Variants in RARB observed in about 807,000 individuals in gnomAD.
The protein encoded by RARB is HBV-activated protein.
Under a neutral mutation model 51.9 loss-of-function variants are expected in RARB, and 17 were observed. The ratio of observed to expected loss-of-function variants is 0.33; its 90% CI spans 0.22 to 0.49. The LOEUF (loss-of-function observed/expected upper bound fraction) is 0.49, where lower values mean the gene tolerates loss of function less well. Among genes scored for constraint, RARB ranks in the 20% least tolerant of loss-of-function variants. RARB has a pLI of 0.99. For synonymous variants in RARB, 215 were observed against 195.4 expected (o/e 1.10, Z -0.84); for missense variants, 369 against 550.8 (o/e 0.67, Z 3.30).
chr3:25,115,184 A>G (rs2125326844), intron 3 of RARB, among the ~76,000 whole-genome samples: 1 of 152,316 alleles, frequency 6.6e-6, no homozygotes, highest in Non-Finnish European at 1.5e-5. Flanking sequence ...TTAGCTAGCC[A>G]TGTTTTACTA....
At chr3:25,032,899 G>T (rs888153846) in intron 2 of RARB, among the ~76,000 whole-genome samples, 1 of 152,114 alleles carries the variant, frequency 6.6e-6, no homozygotes, top group Admixed American at 6.6e-5. Flanking sequence ...TTGTCATTTC[G>T]TGGGACAATA....
intron 4 of RARB, among the ~76,000 whole-genome samples, chr3:25,162,803 A>G (rs1368901765): frequency 1.3e-5 from 2 of 152,200 alleles, no homozygotes; most frequent in Non-Finnish European, 2.9e-5. Flanking sequence ...TAGATGGACC[A>G]CTTTTGTTTA....
At chr3:25,144,360 G>A (rs1208525361) in intron 4 of RARB, among the ~76,000 whole-genome samples, 2 of 152,022 alleles carry the variant, frequency 1.3e-5, no homozygotes, top group East Asian at 3.9e-4. Flanking sequence ...CTAAAATTCT[G>A]AACAACAAAA....
At chr3:25,422,625 A>G (rs1384935932) in intron 5 of RARB, among the ~76,000 whole-genome samples, 5 of 152,114 alleles carry the variant, frequency 3.3e-5, no homozygotes, top group African/African-American at 1.2e-4. Context: ...AAGGAAATGA[A>G]GACAATAAGG....
intron 3 of RARB, among the ~76,000 whole-genome samples, chr3:25,063,696 T>C (rs1365661449): frequency 1.3e-5 from 2 of 151,648 alleles, no homozygotes; most frequent in East Asian, 1.9e-4. Context: ...CCGTAGACCT[T>C]GTAGTTTGAG....
At chr3:25,506,888 G>A (rs893538220) in intron 3 of RARB, among the ~76,000 whole-genome samples, 1 of 152,182 alleles carries the variant, frequency 6.6e-6, no homozygotes, top group African/African-American at 2.4e-5. Flanking sequence ...CCAGCTTCCA[G>A]CCACACTACA....
At chr3:25,493,687 ACT>A (rs1280834775) in intron 2 of RARB, among the ~76,000 whole-genome samples, 1 of 152,142 alleles carries the variant, frequency 6.6e-6, no homozygotes, top group Non-Finnish European at 1.5e-5. Context: ...ATAGAAATTA[ACT>A]CTGCAACAGC....
At chr3:25,468,844 C>G (rs1559418885) in intron 2 of RARB, among the ~76,000 whole-genome samples, 1 of 152,182 alleles carries the variant, frequency 6.6e-6, no homozygotes, top group Non-Finnish European at 1.5e-5. Context: ...TGTCCTTGCT[C>G]TCTACATTTT....
At chr3:25,500,454 G>GTTTTTTTTTTGTTT (rs1697244585) in intron 2 of RARB, among the ~76,000 whole-genome samples, 1 of 66,144 alleles carries the variant, frequency 1.5e-5, no homozygotes, top group Admixed American at 2.0e-4. Flanking sequence ...TTCTTTTCTT[G>GTTTTTTTTTTGTTT]TTTTTTTTTT....
At chr3:24,923,692 C>A (rs748125851) in intron 2 of RARB, among the ~76,000 whole-genome samples, 8 of 152,142 alleles carry the variant, frequency 5.3e-5, no homozygotes, top group Non-Finnish European at 8.8e-5. Flanking sequence ...ATCCTGAAGA[C>A]AGCTAGCTGA....
Position 25,028,155 on chromosome 3 carries a change from C to T in RARB, c.-379-31970C>T, listed in dbSNP as rs185023919. Among the ~76,000 whole-genome samples, 573 of 152,284 alleles carry T rather than the reference C, an allele frequency of 3.8e-3. 2 individuals carry two copies. Among genetic ancestry groups the T allele is most frequent in the Admixed American group, 6.3e-3 (97 of 15,294 alleles). Reference sequence around the variant, plus strand: ...GCCCTGGTGCTTTTCAAGGAGTGTTCCCTAGACCAGCAATGTCTCCTGGAA... The same window carrying T: ...GCCCTGGTGCTTTTCAAGGAGTGTTTCCTAGACCAGCAATGTCTCCTGGAA... On this transcript the variant is annotated intron_variant, in intron 2 of 11. Coordinates refer to the RARB transcript ENST00000383772.
intron 2 of RARB, among the ~76,000 whole-genome samples, chr3:25,500,832 C>A (rs530847975): frequency 6.6e-6 from 1 of 152,042 alleles, no homozygotes; most frequent in African/African-American, 2.4e-5. Flanking sequence ...CTTGGTAGTG[C>A]GCTCATCTGA....
chr3:25,319,236 T>C (rs1704500752), intron 5 of RARB, among the ~76,000 whole-genome samples: 1 of 152,192 alleles, frequency 6.6e-6, no homozygotes, highest in East Asian at 1.9e-4. Flanking sequence ...CTTATCCTGG[T>C]GATTCTGAGA....
At chr3:24,949,241 C>T (rs1246413545) in intron 2 of RARB, among the ~76,000 whole-genome samples, 1 of 152,200 alleles carries the variant, frequency 6.6e-6, no homozygotes, top group Non-Finnish European at 1.5e-5. Context: ...GATTCTCTTT[C>T]AGCTGTGTTG....
At chr3:25,573,948 C>T (rs1700815668) in intron 4 of RARB, among the ~76,000 whole-genome samples, 1 of 152,194 alleles carries the variant, frequency 6.6e-6, no homozygotes, top group South Asian at 2.1e-4. Flanking sequence ...CCACCACCCC[C>T]ACCTCAGGCC....
At chr3:25,158,779 C>T (rs1315380865) in intron 4 of RARB, among the ~76,000 whole-genome samples, 3 of 152,210 alleles carry the variant, frequency 2.0e-5, no homozygotes, top group South Asian at 2.1e-4. Context: ...AGTGCAGGCA[C>T]GTAGGAAGGC....
At chr3:24,839,685 C>T (rs531075293) in intron 1 of RARB, among the ~76,000 whole-genome samples, 70 of 109,920 alleles carry the variant, frequency 6.4e-4, no homozygotes, top group Non-Finnish European at 6.1e-4. Flanking sequence ...GCCTAGGCTA[C>T]GGACCAAGAC....
chr3:25,359,217 A>G (rs1705846748), intron 5 of RARB, among the ~76,000 whole-genome samples: 1 of 151,986 alleles, frequency 6.6e-6, no homozygotes, highest in African/African-American at 2.4e-5. Flanking sequence ...TGGAGGGTGT[A>G]TGTGTCTAAG....
At chr3:25,295,982 C>G (rs139593804) in intron 5 of RARB, among the ~76,000 whole-genome samples, 2,059 of 152,250 alleles carry the variant, frequency 0.014, 26 homozygotes, top group Non-Finnish European at 0.018. Context: ...AAATGTGTTT[C>G]TCAAAAGTGC....
Sources: allele counts gnomAD v4.1 joint callset (sites outside exome capture counted in the v4.1 genomes callset), GRCh38; gene constraint gnomAD v4.1.1; transcripts MANE v1.5; gene names NCBI Gene and HGNC (gene_info 2026-07-23, HGNC 2026-07-21).